Variants in THRA observed in about 807,000 individuals in gnomAD.
THRA encodes thyroid hormone receptor alpha, also known as EAR-7.
In THRA, 13 loss-of-function variants were observed where a neutral mutation model predicts 45.0. The observed-to-expected ratio is 0.29, with a 90% confidence interval of 0.19 to 0.46. The LOEUF (loss-of-function observed/expected upper bound fraction) is 0.46, where lower values mean the gene tolerates loss of function less well. Ranked by LOEUF, THRA falls within the 20% of genes least tolerant of loss-of-function variation. THRA has a pLI of 1.00. For synonymous variants in THRA, 195 were observed against 214.0 expected, an observed-to-expected ratio of 0.91 and a Z score of 0.78; for missense variants, 278 against 556.1, an observed-to-expected ratio of 0.50 and a Z score of 5.03.
chr17:40,062,428 C>T (rs1372894405), upstream of THRA: 1 of 152,060 alleles, frequency 6.6e-6, no homozygotes, highest in Non-Finnish European at 1.5e-5. Flanking sequence ...GCTCTGCCCC[C>T]GACAGCAGTG....
At chr17:40,079,674 G>A (rs1306771122) in intron 4 of THRA, among the ~76,000 whole-genome samples, 1 of 152,148 alleles carries the variant, frequency 6.6e-6, no homozygotes, top group East Asian at 1.9e-4. Flanking sequence ...ACACCCGGTG[G>A]CACTGTTTTA....
chr17:40,093,783 G>A, downstream of THRA: 1 of 785,870 alleles, frequency 1.3e-6, no homozygotes, highest in Non-Finnish European at 2.1e-6. This position sits in a 1 kb window ranked among gnomAD's most constrained non-coding sequence, Gnocchi z 5.9. Flanking sequence ...AAGCTAGACT[G>A]TGTCTGAATC....
intron 1 of THRA, among the ~76,000 whole-genome samples, chr17:40,064,842 C>T (rs1986495011): frequency 6.6e-6 from 1 of 152,152 alleles, no homozygotes; most frequent in African/African-American, 2.4e-5. Flanking sequence ...GTCCCCTGAA[C>T]TCAGGTGCAG....
At chr17:40,093,579 C>G (rs1406046839), downstream of THRA, 4 of 880,372 alleles carry the variant, frequency 4.5e-6, no homozygotes, top group Non-Finnish European at 6.7e-6. This position sits in a 1 kb window ranked among gnomAD's most constrained non-coding sequence, Gnocchi z 5.9. Flanking sequence ...TGTGTAGTTC[C>G]CTCTGCCTGG....
In THRA at chr17:40,086,999, C is replaced by CACACAG. The variant is rs1417027597; in HGVS notation, c.723+151_723+152insGACACA. ...TACACAGATAACATACACAGACACA[C>CACACAG]ACACACACATGCATACACATACACC... On this transcript the variant is annotated intron_variant, in intron 7 of 8. Transcript: ENST00000450525. 6 of 1,064,900 alleles carry CACACAG rather than the reference C, an allele frequency of 5.6e-6. No individual in the cohort carries two copies. In the East Asian group the frequency reaches 1.5e-4, roughly 27 times the overall value. 66.0% of individuals were successfully genotyped at this position (1,064,900 alleles called of 1,614,324 possible).
chr17:40,093,616 G>A, downstream of THRA: 2 of 709,854 alleles, frequency 2.8e-6, no homozygotes, highest in East Asian at 2.7e-5. The surrounding 1 kb of genome is among the most constrained non-coding windows in gnomAD (Gnocchi z 5.9). Flanking sequence ...TCTCTGCCTG[G>A]CAACATCTTA....
Position 40,074,347 on chromosome 17 carries a change from G to A in THRA, c.-142G>A. 1 of 869,850 alleles carries A rather than the reference G, an allele frequency of 1.1e-6. No homozygotes were observed. Among genetic ancestry groups the A allele is most frequent in the Non-Finnish European group, 1.8e-6 (1 of 543,538 alleles). 53.9% of individuals were successfully genotyped at this position (869,850 alleles called of 1,614,324 possible). ...CGCAGGGCATGGTGTGAAAGGCCAA[G>A]TGCTGAGGCGGGTATCATGGGTGCT... is the stretch of plus-strand genomic sequence containing the variant. On this transcript the variant is annotated 5_prime_UTR_variant, in exon 2 of 9. In the 5' UTR this introduces an upstream ATG that the reference lacks. Coordinates refer to ENST00000450525, the MANE Select transcript of THRA (RefSeq NM_199334.5).
In THRA at chr17:40,090,051, AAG is replaced by A. The variant is rs1036490220; in HGVS notation, c.*602_*603del. On this transcript the variant is annotated 3_prime_UTR_variant, in exon 9 of 9. Coordinates refer to ENST00000450525, the MANE Select transcript of THRA (RefSeq NM_199334.5). ...ACTAGACAGAGAGAAAAATACAAAAAAGAGAGAGCGAGCGATAGAGAGAGATG... is the reference window on the plus strand; with the variant it reads ...ACTAGACAGAGAGAAAAATACAAAAAAGAGAGCGAGCGATAGAGAGAGATG... 2 of 984,932 alleles carry A rather than the reference AAG, an allele frequency of 2.0e-6. No individual in the cohort carries two copies. The highest frequency in any genetic ancestry group is 1.7e-5 in the African/African-American group (1 of 57,268). The allele number at this position is 984,932 out of a possible 1,614,324, so 61.0% of individuals were successfully genotyped here.
intron 5 of THRA, 29 bp from the exon 6 acceptor site, chr17:40,084,581 C>T (rs761930932): frequency 1.4e-5 from 23 of 1,610,944 alleles, no homozygotes; most frequent in African/African-American, 5.3e-5. Flanking sequence ...GGGTGCCATG[C>T]GTTAGACCTT....
chr17:40,084,545 C>T (rs1015337866), intron 5 of THRA, 65 bp from the exon 6 acceptor site: 22 of 1,566,980 alleles, frequency 1.4e-5, no homozygotes, highest in East Asian at 6.8e-5. Flanking sequence ...GAGTAGTTTC[C>T]GGGAGCATTA....
At chr17:40,087,892 G>A (rs1245133413) in intron 7 of THRA, among the ~76,000 whole-genome samples, 2 of 152,132 alleles carry the variant, frequency 1.3e-5, no homozygotes, top group African/African-American at 4.8e-5. Flanking sequence ...CTGAGTAGCT[G>A]GGACTACAGG....
downstream of THRA, chr17:40,093,620 CA>C: frequency 1.4e-6 from 1 of 701,402 alleles, no homozygotes; most frequent in South Asian, 2.0e-5. This position sits in a 1 kb window ranked among gnomAD's most constrained non-coding sequence, Gnocchi z 5.9. Flanking sequence ...TGCCTGGCAA[CA>C]TCTTACTTGT....
chr17:40,082,582 G>A (rs542153050), intron 4 of THRA, among the ~76,000 whole-genome samples: 190 of 151,598 alleles, frequency 1.3e-3, no homozygotes, highest in African/African-American at 4.3e-3. Flanking sequence ...GGCTGGTCTT[G>A]AACTCCTGAC....
chr17:40,092,145 A>C lies in THRA; in HGVS notation c.*2689A>C, dbSNP rs1041144520. The C allele has an allele frequency of 6.6e-6, 1 of 152,126 alleles. No individual in the cohort carries two copies. Among genetic ancestry groups the C allele is most frequent in the Non-Finnish European group, 1.5e-5 (1 of 68,082 alleles). The allele number at this position is 152,126 out of a possible 1,614,324, so 9.4% of individuals were successfully genotyped here. A position where few individuals can be genotyped will look rare whatever the true frequency, so the allele number is the denominator to read the frequency against. On this transcript the variant is annotated 3_prime_UTR_variant, in exon 9 of 9. Transcript: ENST00000450525. ...CTCAGTATTGCCCCTCCCATCACTC[A>C]TAACACACATACCTCATCCAGCCTC...
intron 6 of THRA, among the ~76,000 whole-genome samples, chr17:40,085,411 G>A (rs375167965): frequency 3.4e-4 from 51 of 151,640 alleles, no homozygotes; most frequent in East Asian, 9.7e-4. Context: ...TCGGCTCACC[G>A]CAACCTCCGC....
chr17:40,075,965 G>T (rs748244012), intron 2 of THRA, among the ~76,000 whole-genome samples: 3 of 152,242 alleles, frequency 2.0e-5, no homozygotes, highest in African/African-American at 4.8e-5. Flanking sequence ...GGAGGAAGGG[G>T]CCTGCAACAT....
chr17:40,073,923 A>G (rs958631456), intron 1 of THRA, among the ~76,000 whole-genome samples: 5 of 152,092 alleles, frequency 3.3e-5, no homozygotes, highest in African/African-American at 1.2e-4. Context: ...TCTGAATATG[A>G]AGACTGAGAC....
In THRA at chr17:40,077,549, G is replaced by A. The variant is rs1986995411; in HGVS notation, c.163G>A (p.Val55Met). Residue 55 changes from valine (V) to methionine (M), a missense_variant, in exon 4 of 9, where the codon GTG becomes ATG. By Grantham distance (21) the Val-to-Met change is conservative (BLOSUM62 1). Coordinates refer to ENST00000450525, the MANE Select transcript of THRA (RefSeq NM_199334.5). ...SYLDKDEQCV[V>M]CGDKATGYHY... ...CCTGGACAAAGACGAGCAGTGTGTCGTGTGTGGGGACAAGGCAACTGGTTA... is the reference window on the plus strand; with the variant it reads ...CCTGGACAAAGACGAGCAGTGTGTCATGTGTGGGGACAAGGCAACTGGTTA... The A allele has an allele frequency of 6.2e-7, 1 of 1,614,058 alleles. No homozygotes were observed. Among genetic ancestry groups the A allele is most frequent in the South Asian group, 1.1e-5 (1 of 91,086 alleles).
intron 7 of THRA, among the ~76,000 whole-genome samples, chr17:40,087,502 A>G (rs1029117751): frequency 5.9e-5 from 9 of 152,122 alleles, no homozygotes; most frequent in African/African-American, 2.2e-4. Flanking sequence ...CACAGCATAC[A>G]GACACACGCC....
Sources: gnomAD v4.1 joint callset for allele counts (sites outside exome capture counted in the v4.1 genomes callset) on GRCh38, gnomAD v4.1.1 for gene constraint, Gnocchi (gnomAD v3.1) non-coding constraint, MANE v1.5 for transcripts, NCBI Gene and HGNC (gene_info 2026-07-23, HGNC 2026-07-21) for gene names.